Variants in DACT2 observed in about 807,000 individuals in gnomAD.
DACT2 encodes the protein dishevelled binding antagonist of beta catenin 2, also known as dapper homolog 2.
A neutral mutation model predicts 22.2 loss-of-function variants in DACT2; 20 were observed. The ratio of observed to expected loss-of-function variants is 0.90; its 90% CI spans 0.63 to 1.31. The LOEUF is 1.31. Among genes scored for constraint, DACT2 ranks in the 50% most tolerant of loss-of-function variants. DACT2 has a pLI of 0.00. For missense variants in DACT2, 1,048 were observed against 1,061.4 expected, an observed-to-expected ratio of 0.99 and a Z score of 0.18; for synonymous variants, 463 against 479.8, an observed-to-expected ratio of 0.96 and a Z score of 0.46.
downstream of DACT2, among the ~76,000 whole-genome samples, chr6:168,304,632 G>A (rs1020274957): frequency 2.0e-5 from 3 of 152,220 alleles, no homozygotes; most frequent in Non-Finnish European, 4.4e-5. Flanking sequence ...AACCTGGGCC[G>A]ACTCACCCCT....
intron 2 of DACT2, 21 bp downstream of exon 2, chr6:168,311,131 G>A: frequency 6.6e-7 from 1 of 1,508,858 alleles, no homozygotes; most frequent in Non-Finnish European, 8.9e-7. Flanking sequence ...CTGTGTCCGG[G>A]AGGTCAGGGC....
Position 168,311,437 on chromosome 6 carries a change from C to G in DACT2, c.247-153G>C, listed in dbSNP as rs147181011. Among the ~76,000 whole-genome samples the G allele has an allele frequency of 1.6e-4, 25 of 152,320 alleles. No homozygotes were observed. In the East Asian group the frequency reaches 4.4e-3, roughly 27 times the overall value. ...TAAATCCGGCAGCTGCCCCTGCTCA[C>G]TCTGAAGCAATTTCCTTGTTCCACT... On this transcript the variant is annotated intron_variant, in intron 1 of 3. Coordinates refer to ENST00000366795, the MANE Select transcript of DACT2 (RefSeq NM_214462.5).
rs765675691 is a variant in DACT2 at position 168,308,776 on chromosome 6, C to T, written c.981G>A (p.Pro327=). The T allele has an allele frequency of 9.7e-6, 15 of 1,551,198 alleles. No homozygotes were observed. Among genetic ancestry groups the T allele is most frequent in the South Asian group, 9.5e-5 (8 of 84,072 alleles). Residue 327 remains proline, a synonymous_variant, in exon 4 of 4, where the codon CCG becomes CCA. Coordinates refer to ENST00000366795, the MANE Select transcript of DACT2 (RefSeq NM_214462.5). ...TGTCGATATAAGCTCTGGCCCTGGC[C>T]GGGCCAGCCTCGAGGACCGGCCCAG... ...IQTGPVLEAG[P]ARARAYIDRL...
rs1393666311 is a variant in DACT2 at position 168,308,840 on chromosome 6, T to C, written c.917A>G (p.Glu306Gly). 1.9e-6 allele frequency: 3 copies of C among 1,550,990 alleles called. No homozygotes were observed. The highest frequency in any genetic ancestry group is 2.6e-6 in the Non-Finnish European group (3 of 1,146,904). Residue 306 changes from glutamate (E) to glycine (G), a missense_variant, in exon 4 of 4, where the codon GAG becomes GGG. Coordinates refer to ENST00000366795, the MANE Select transcript of DACT2 (RefSeq NM_214462.5). ...CAGACCTGCGGGGCCCCTGGGGCTC[T>C]CCCTAGGGAACGAGGGGCCACCTCT... ...PQRGGPSFPR[E>G]SPRGPAGLNT... is the part of the protein sequence containing the mutation.
chr6:168,319,555 C>A lies in DACT2; in HGVS notation c.79G>T (p.Ala27Ser). ...RLGARLRAAF[A>S]GLQELQGLRA... ...AGCCCCTGCAGCTCCTGCAGCCCCG[C>A]GAACGCCGCGCGCAACCTCGCGCCC... Residue 27 changes from alanine to serine, a missense_variant, in exon 1 of 4, where the codon GCG becomes TCG. Coordinates refer to ENST00000366795, the MANE Select transcript of DACT2 (RefSeq NM_214462.5). 1 of 1,378,236 alleles carries A rather than the reference C, an allele frequency of 7.3e-7. No individual in the cohort carries two copies. The highest frequency in any genetic ancestry group is 9.5e-7 in the Non-Finnish European group (1 of 1,057,904). The allele number at this position is 1,378,236 out of a possible 1,614,324, so 85.4% of individuals were successfully genotyped here. A position where few individuals can be genotyped will look rare whatever the true frequency, so the allele number is the denominator to read the frequency against.
At chr6:168,315,693 G>A (rs1779524669) in intron 1 of DACT2, among the ~76,000 whole-genome samples, 1 of 152,214 alleles carries the variant, frequency 6.6e-6, no homozygotes, top group South Asian at 2.1e-4. Flanking sequence ...TTTCCTGACT[G>A]TTTAAATCCC....
intron 3 of DACT2, among the ~76,000 whole-genome samples, chr6:168,297,102 C>T (rs1231433312): frequency 6.6e-6 from 1 of 152,156 alleles, no homozygotes; most frequent in Non-Finnish European, 1.5e-5. Context: ...CATTTTATAT[C>T]TGTTTGATTT....
rs1313728567 is a variant in DACT2 at position 168,308,682 on chromosome 6, G to A, written c.1075C>T (p.His359Tyr). Residue 359 changes from histidine (H) to tyrosine (Y), a missense_variant, in exon 4 of 4, where the codon CAT becomes TAT. His to Tyr is a moderately conservative substitution (Grantham distance 83, BLOSUM62 2). Transcript: ENST00000366795. ...GSEGEQGPLR[H>Y]AASPSPQRQG... ...CTCTGTGGAGATGGGGACGCTGCAT[G>A]CCTTAGAGGTCCCTGTTCTCCCTCG... 5 of 1,546,148 alleles carry A rather than the reference G, an allele frequency of 3.2e-6. No homozygotes were observed. Among genetic ancestry groups the A allele is most frequent in the South Asian group, 2.4e-5 (2 of 84,050 alleles).
At chr6:168,309,235 A>T (rs1339979325) in intron 3 of DACT2, 137 bp from the exon 4 acceptor site, 6 of 1,346,230 alleles carry the variant, frequency 4.5e-6, no homozygotes, top group Non-Finnish European at 5.9e-6. Context: ...CCCATGGGAG[A>T]CGGCGACTCA....
intron 1 of DACT2, 46 bp from the exon 2 acceptor site, chr6:168,311,330 G>C: frequency 6.7e-7 from 1 of 1,499,366 alleles, no homozygotes; most frequent in Non-Finnish European, 9.0e-7. Context: ...CCTATGGAAA[G>C]CAAAACTTAA....
intron 2 of DACT2, 147 bp downstream of exon 2, chr6:168,311,005 C>G (rs1779383564): frequency 9.5e-7 from 1 of 1,050,622 alleles, no homozygotes; most frequent in Non-Finnish European, 1.3e-6. Context: ...ACTTTCAGAT[C>G]AGCCTGACGA....
At chr6:168,301,688 G>A (rs1265798517) in intron 3 of DACT2, among the ~76,000 whole-genome samples, 1 of 152,222 alleles carries the variant, frequency 6.6e-6, no homozygotes, top group Non-Finnish European at 1.5e-5. Flanking sequence ...CTCCAACAGG[G>A]CACAGCTGGG....
Position 168,308,430 on chromosome 6 carries a change from TG to T in DACT2, c.1326del (p.Ser443AlafsTer45), listed in dbSNP as rs1779289075. ...VLRETMVQAS[P>X]SSKAQQTPSA... The stretch of plus-strand genomic sequence containing the variant: ...GAGGGTGTCTGCTGGGCCTTTGAGC[TG>T]GGAGAAGCCTGCACCATGGTCTCCC... On this transcript the variant is annotated frameshift_variant, in exon 4 of 4. Coordinates refer to ENST00000366795, the MANE Select transcript of DACT2 (RefSeq NM_214462.5). LOFTEE classifies it low-confidence loss of function (END_TRUNC). The T allele has an allele frequency of 6.4e-7, 1 of 1,551,562 alleles. No homozygotes were observed. The highest frequency in any genetic ancestry group is 1.2e-5 in the South Asian group (1 of 84,066).
Position 168,319,732 on chromosome 6 carries a change from T to C in DACT2, c.-99A>G, listed in dbSNP as rs1779603059. On this transcript the variant is annotated 5_prime_UTR_variant, in exon 1 of 4. Transcript: ENST00000366795. ...GTGTCGCGGGTCCTCCTGCGCCTCC[T>C]CTCTCCGCCCCCGGCTCCGCAGGTC... 1 of 1,180,490 alleles carries C rather than the reference T, an allele frequency of 8.5e-7. No homozygotes were observed. Among genetic ancestry groups the C allele is most frequent in the East Asian group, 3.7e-5 (1 of 27,148 alleles). 73.1% of individuals were successfully genotyped at this position (1,180,490 alleles called of 1,614,324 possible). A position where few individuals can be genotyped will look rare whatever the true frequency, so the allele number is the denominator to read the frequency against.
At position 168,310,642 on chromosome 6, in the gene DACT2, G is replaced by A. The variant is rs906478443; in HGVS notation, c.380-196C>T. ...GTGAGAATGTTCAGGATTCTTCCCA[G>A]GAGCTGCCAGTGGGTTGGTCAGAGC... On this transcript the variant is annotated intron_variant, in intron 2 of 3. Coordinates refer to ENST00000366795, the MANE Select transcript of DACT2 (RefSeq NM_214462.5). 2.6e-5 allele frequency among the ~76,000 whole-genome samples: 4 copies of A among 152,198 alleles called. No homozygotes were observed. The East Asian group carries it at 7.7e-4, about 29-fold the overall frequency.
Position 168,308,443 on chromosome 6 carries a change from C to A in DACT2, c.1314G>T (p.Val438=), listed in dbSNP as rs1252433283. Residue 438 remains valine (V), a synonymous_variant, in exon 4 of 4, where the codon GTG becomes GTT. Coordinates refer to ENST00000366795, the MANE Select transcript of DACT2 (RefSeq NM_214462.5). ...GGGCCTTTGAGCTGGGAGAAGCCTG[C>A]ACCATGGTCTCCCTGAGGACACAGC... The part of the protein sequence containing the change: ...SNSCVLRETM[V]QASPSSKAQQ... 6 of 1,551,716 alleles carry A rather than the reference C, an allele frequency of 3.9e-6. No individual in the cohort carries two copies. In the South Asian group the frequency reaches 7.1e-5, roughly 18 times the overall value.
At chr6:168,298,158 G>A (rs901754768) in intron 3 of DACT2, 1 of 152,186 alleles carries the variant, frequency 6.6e-6, no homozygotes, top group Admixed American at 6.5e-5. Context: ...TATAAGTATA[G>A]GAAAAAATAG....
In DACT2 at chr6:168,293,527, A is replaced by G. The variant is rs73258829; in HGVS notation, c.*367T>C. 6.2e-3 allele frequency: 1,288 copies of G among 207,318 alleles called. 12 individuals are homozygous for G. Among genetic ancestry groups the G allele is most frequent in the African/African-American group, 0.027 (1,185 of 43,314 alleles). 12.8% of individuals were successfully genotyped at this position (207,318 alleles called of 1,614,324 possible). On this transcript the variant is annotated 3_prime_UTR_variant, in exon 6 of 6. Transcript: ENST00000366796. ...AATGCTCACTAACATTCTGTCAACT[A>G]CTTTTGCTTCCTGGGTGCTGCTGAA...
intron 3 of DACT2, among the ~76,000 whole-genome samples, chr6:168,297,212 C>T (rs548995929): frequency 6.6e-6 from 1 of 152,190 alleles, no homozygotes; most frequent in African/African-American, 2.4e-5. Flanking sequence ...AACAATGGTC[C>T]CCCAGAGATG....
Sources: gnomAD v4.1 joint callset for allele counts (sites outside exome capture counted in the v4.1 genomes callset) on GRCh38, gnomAD v4.1.1 for gene constraint, MANE v1.5 for transcripts, NCBI Gene and HGNC (gene_info 2026-07-23, HGNC 2026-07-21) for gene names.